ABR: variants seen among roughly 807,000 people sequenced by gnomAD.
ABR encodes active breakpoint cluster region-related protein.
Under a neutral mutation model 107.2 loss-of-function variants are expected in ABR, and 35 were observed. That is an observed-to-expected ratio of 0.33 (90% CI 0.25 to 0.43). The LOEUF is 0.43. Among genes scored for constraint, ABR ranks in the 20% least tolerant of loss-of-function variants. The pLI, the probability that ABR is intolerant of heterozygous loss-of-function variation, is 1.00. For missense variants in ABR, 815 were observed against 1,115.2 expected, an observed-to-expected ratio of 0.73 and a Z score of 3.83; for synonymous variants, 498 against 462.0, an observed-to-expected ratio of 1.08 and a Z score of -1.00.
intron 16 of ABR, among the ~76,000 whole-genome samples, chr17:1,047,410 G>A (rs934219848): frequency 6.6e-6 from 1 of 152,206 alleles, no homozygotes; most frequent in Non-Finnish European, 1.5e-5. Context: ...GGCCATCCAC[G>A]GTGGCTCTGA....
exon 1 of ABR, among the ~76,000 whole-genome samples, chr17:1,229,477 C>T (rs1005222088): frequency 7.9e-5 from 12 of 152,008 alleles, no homozygotes; most frequent in Non-Finnish European, 1.6e-4. Context: ...TTGAGCTGCT[C>T]CTCCGCCAGC....
chr17:1,088,250 G>A (rs147238765), intron 4 of ABR, among the ~76,000 whole-genome samples: 90 of 152,118 alleles, frequency 5.9e-4, no homozygotes, highest in Middle Eastern at 3.4e-3. Flanking sequence ...CTGTGACAGC[G>A]TTTCCAGCAA....
intron 1 of ABR, among the ~76,000 whole-genome samples, chr17:1,162,704 A>C (rs536215613): frequency 1.0e-4 from 15 of 149,542 alleles, no homozygotes; most frequent in African/African-American, 1.5e-4. Context: ...GGCCAAGCAC[A>C]GTGGCTCACA....
chr17:1,195,095 C>A (rs2042527329), intron 1 of ABR, among the ~76,000 whole-genome samples: 1 of 144,104 alleles, frequency 6.9e-6, no homozygotes, highest in Non-Finnish European at 1.5e-5. Context: ...ATCACGAGGT[C>A]AGGAGATCGA....
At chr17:1,018,063 G>C (rs1482393383) in intron 16 of ABR, among the ~76,000 whole-genome samples, 1 of 151,002 alleles carries the variant, frequency 6.6e-6, no homozygotes, top group Non-Finnish European at 1.5e-5. Context: ...TTATTTTTGA[G>C]ACGGAGTCTT....
intron 1 of ABR, among the ~76,000 whole-genome samples, chr17:1,224,506 T>C (rs2043179091): frequency 1.3e-5 from 2 of 152,100 alleles, no homozygotes; most frequent in Non-Finnish European, 2.9e-5. Flanking sequence ...CAATAAAACC[T>C]GACCTTAAGG....
intron 14 of ABR, among the ~76,000 whole-genome samples, chr17:1,054,694 TCAGGGGATGGGGG>T (rs1435737517): frequency 0.31 from 29,886 of 96,496 alleles, 11,938 homozygotes; most frequent in East Asian, 0.39. Flanking sequence ...ACAAGGAACC[TCAGGGGATGGGGG>T]CACAAGGAAC....
At chr17:1,083,427 A>C (rs1785735579) in intron 5 of ABR, 93 bp downstream of exon 5, 1 of 833,566 alleles carries the variant, frequency 1.2e-6, no homozygotes, top group African/African-American at 1.7e-5. Context: ...TAACCACTTC[A>C]CCGACTGGCA....
At chr17:1,123,772 C>A (rs1459690791) in intron 2 of ABR, among the ~76,000 whole-genome samples, 1 of 152,116 alleles carries the variant, frequency 6.6e-6, no homozygotes, top group Non-Finnish European at 1.5e-5. Context: ...CCTTGCTCTC[C>A]CCTGGTTGGC....
At chr17:1,193,101 G>T (rs1490651504) in intron 1 of ABR, among the ~76,000 whole-genome samples, 3 of 152,176 alleles carry the variant, frequency 2.0e-5, no homozygotes, top group Non-Finnish European at 2.9e-5. Context: ...ACGTGGAAAT[G>T]GAGCGAAGAG....
rs2042652148 is a variant in ABR, at chr17:1,200,556, C to T, written c.838+28237G>A. ...TTGGAGTGGCTCTCCAGACTGTGCC[C>T]AGGAATTTCTCAGCCTGATCTTTGG... On this transcript the variant is annotated intron_variant, in intron 1 of 22. Coordinates refer to the ABR transcript ENST00000574139. The surrounding 1 kb of genome is among the most constrained non-coding windows in gnomAD (Gnocchi z 4.1). Among the ~76,000 whole-genome samples, 1 of 151,948 alleles carries T rather than the reference C, an allele frequency of 6.6e-6. No homozygotes were observed. Among genetic ancestry groups the T allele is most frequent in the African/African-American group, 2.4e-5 (1 of 41,338 alleles).
At chr17:1,109,608 G>T (rs1290159993) in intron 2 of ABR, among the ~76,000 whole-genome samples, 2 of 152,016 alleles carry the variant, frequency 1.3e-5, no homozygotes, top group Non-Finnish European at 2.9e-5. Context: ...GCGCGGCCGA[G>T]CCAGGAGCCC....
At chr17:1,031,798 C>T (rs866309354) in intron 16 of ABR, 2 of 1,229,348 alleles carry the variant, frequency 1.6e-6, no homozygotes, top group Admixed American at 4.2e-5. Context: ...CGCTCAGTCC[C>T]GGCTGCCAGT....
At chr17:1,207,903 G>A (rs2042826076) in intron 1 of ABR, among the ~76,000 whole-genome samples, 1 of 151,840 alleles carries the variant, frequency 6.6e-6, no homozygotes, top group African/African-American at 2.4e-5. Flanking sequence ...CCGAGTAGCT[G>A]GGATTACAAG....
intron 1 of ABR, among the ~76,000 whole-genome samples, chr17:1,136,206 CTGTTT>C (rs2040057054): frequency 1.3e-5 from 2 of 151,968 alleles, no homozygotes; most frequent in Non-Finnish European, 2.9e-5. Context: ...AAAATCTGAT[CTGTTT>C]TGTTTTTGTT....
chr17:1,097,715 C>T (rs1051478447), intron 3 of ABR, among the ~76,000 whole-genome samples: 9 of 152,036 alleles, frequency 5.9e-5, no homozygotes, highest in African/African-American at 2.2e-4. Context: ...ATAGCTCATT[C>T]ACCTGCTGAA....
Position 1,037,013 on chromosome 17 carries a change from ATCCTTCCTTCCT to A in ABR, c.1791+13025_1791+13036del, listed in dbSNP as rs368172568. Reference sequence around the variant, plus strand: ...CTTCCTTCCATCCTTCCTTCCTTCCATCCTTCCTTCCTTCCATCCATCCACCCATCCATCCAT... The same window carrying A: ...CTTCCTTCCATCCTTCCTTCCTTCCATCCATCCATCCACCCATCCATCCAT... On this transcript the variant is annotated intron_variant, in intron 16 of 22. Transcript: ENST00000302538. The surrounding 1 kb of genome is among the most constrained non-coding windows in gnomAD (Gnocchi z 4.6). Among the ~76,000 whole-genome samples, 2 of 150,970 alleles carry A rather than the reference ATCCTTCCTTCCT, an allele frequency of 1.3e-5. No individual in the cohort carries two copies. The highest frequency in any genetic ancestry group is 4.9e-5 in the African/African-American group (2 of 40,948).
intron 1 of ABR, 157 bp from the exon 2 acceptor site, chr17:1,125,524 G>T: frequency 1.7e-6 from 1 of 603,536 alleles, no homozygotes; most frequent in Non-Finnish European, 2.5e-6. Flanking sequence ...GCCTGGGCCT[G>T]GTGAGGGGCG....
intron 16 of ABR, among the ~76,000 whole-genome samples, chr17:1,022,120 A>AAAAAAC (rs1555534386): frequency 9.3e-5 from 11 of 118,374 alleles, no homozygotes; most frequent in East Asian, 2.6e-4. Flanking sequence ...AAAAAAAAAA[A>AAAAAAC]AAAAACAGAA....
Sources: allele counts gnomAD v4.1 joint callset (sites outside exome capture counted in the v4.1 genomes callset), GRCh38; gene constraint gnomAD v4.1.1; non-coding constraint Gnocchi (gnomAD v3.1); transcripts MANE v1.5; gene names NCBI Gene and HGNC (gene_info 2026-07-23, HGNC 2026-07-21).